TMIGD3: variants seen among roughly 807,000 people sequenced by gnomAD.
The protein encoded by TMIGD3 is transmembrane and immunoglobulin domain containing 3, also known as AD026 protein (AD026).
TMIGD3 carries 21 observed loss-of-function variants against 28.1 expected under a neutral mutation model. That is an observed-to-expected ratio of 0.75 (90% CI 0.53 to 1.08). The LOEUF is 1.08. Among genes scored for constraint, TMIGD3 ranks in the 50% least tolerant of loss-of-function variants. The probability of loss-of-function intolerance (pLI) is 0.00; values close to 1 mark genes in which losing one functional copy is unlikely to be tolerated. For synonymous variants in TMIGD3, 151 were observed against 162.1 expected, an observed-to-expected ratio of 0.93 and a Z score of 0.52; for missense variants, 416 against 435.6, an observed-to-expected ratio of 0.96 and a Z score of 0.40.
intron 1 of TMIGD3, among the ~76,000 whole-genome samples, chr1:111,543,392 G>A (rs1656916423): frequency 6.6e-6 from 1 of 152,018 alleles, no homozygotes; most frequent in African/African-American, 2.4e-5. Context: ...ATCCTGTCTG[G>A]TCTCACCAAA....
At chr1:111,530,299 T>G (rs1274074023) in intron 1 of TMIGD3, among the ~76,000 whole-genome samples, 1 of 152,220 alleles carries the variant, frequency 6.6e-6, no homozygotes, top group Non-Finnish European at 1.5e-5. Context: ...CTTTATGTTA[T>G]AAACCTTCCA....
At chr1:111,555,049 GA>G (rs1463906427) in intron 1 of TMIGD3, among the ~76,000 whole-genome samples, 2 of 151,898 alleles carry the variant, frequency 1.3e-5, no homozygotes, top group Admixed American at 1.3e-4. Context: ...GAAAACAGGA[GA>G]AAAGAAAAAG....
intron 1 of TMIGD3, among the ~76,000 whole-genome samples, chr1:111,538,834 T>C (rs1227353391): frequency 6.6e-6 from 1 of 152,222 alleles, no homozygotes; most frequent in African/African-American, 2.4e-5. Context: ...TGGAATGACC[T>C]GAACTTTATA....
At chr1:111,527,581 T>C (rs913984583) in intron 1 of TMIGD3, among the ~76,000 whole-genome samples, 1 of 152,248 alleles carries the variant, frequency 6.6e-6, no homozygotes, top group Non-Finnish European at 1.5e-5. Flanking sequence ...TGTCAGAAAC[T>C]GCCAAACTGT....
In TMIGD3 at chr1:111,503,593, C is replaced by G. The variant is rs2100985703; in HGVS notation, c.-239G>C. On this transcript the variant is annotated 5_prime_UTR_variant, in exon 1 of 6. Transcript: ENST00000369716. ...CCAGCCCCTTTATGCACCGCACATCCTCAAGTTTCCAGAATGCTGTAGGAC... is the reference window on the plus strand; with the variant it reads ...CCAGCCCCTTTATGCACCGCACATCGTCAAGTTTCCAGAATGCTGTAGGAC... 1 of 1,344,138 alleles carries G rather than the reference C, an allele frequency of 7.4e-7. No homozygotes were observed. Among genetic ancestry groups the G allele is most frequent in the South Asian group, 1.6e-5 (1 of 61,856 alleles). The allele number at this position is 1,344,138 out of a possible 1,614,324, so 83.3% of individuals were successfully genotyped here.
chr1:111,530,679 CT>C (rs573766914), intron 1 of TMIGD3, among the ~76,000 whole-genome samples: 8 of 152,258 alleles, frequency 5.3e-5, no homozygotes, highest in African/African-American at 1.4e-4. Flanking sequence ...ATGATGTCTT[CT>C]GCCATTGTTA....
chr1:111,546,231 T>C (rs1284358561), intron 1 of TMIGD3, among the ~76,000 whole-genome samples: 1 of 152,202 alleles, frequency 6.6e-6, no homozygotes, highest in African/African-American at 2.4e-5. Flanking sequence ...CCATCATTTT[T>C]TCCTCTCTTC....
At chr1:111,563,410 T>A (rs1284725920) in intron 1 of TMIGD3, among the ~76,000 whole-genome samples, 5 of 152,240 alleles carry the variant, frequency 3.3e-5, no homozygotes, top group Non-Finnish European at 7.3e-5. Context: ...CCTTGAAATG[T>A]CAGGATGTGG....
chr1:111,540,532 C>T (rs1473413324), intron 1 of TMIGD3, among the ~76,000 whole-genome samples: 1 of 152,222 alleles, frequency 6.6e-6, no homozygotes, highest in Non-Finnish European at 1.5e-5. Context: ...CAGGATCCAT[C>T]CATCTTTCTG....
upstream of TMIGD3, among the ~76,000 whole-genome samples, chr1:111,504,625 C>T (rs1224683444): frequency 6.6e-6 from 1 of 152,208 alleles, no homozygotes; most frequent in East Asian, 1.9e-4. Context: ...GGCTTGAGGG[C>T]TTTATCATTT....
chr1:111,503,373 C>A lies in TMIGD3; in HGVS notation c.-19G>T, dbSNP rs1655355447. On this transcript the variant is annotated 5_prime_UTR_variant, in exon 1 of 6. Coordinates refer to ENST00000369716, the MANE Select transcript of TMIGD3 (RefSeq NM_020683.7). ...TGGGCATCTTGCCTTCCCAGGGGAACCTCCACAGGGACAGGTGAGCCAGCA... is the reference window on the plus strand; with the variant it reads ...TGGGCATCTTGCCTTCCCAGGGGAAACTCCACAGGGACAGGTGAGCCAGCA... 6 of 1,594,878 alleles carry A rather than the reference C, an allele frequency of 3.8e-6. No homozygotes were observed. The highest frequency in any genetic ancestry group is 1.1e-5 in the South Asian group (1 of 88,312).
rs370201109 is a variant in TMIGD3 at position 111,524,614 on chromosome 1, GC to G, written c.108-33853del. Among the ~76,000 whole-genome samples the G allele has an allele frequency of 8.6e-4, 130 of 151,872 alleles. 1 individual carries two copies. Among genetic ancestry groups the G allele is most frequent in the Middle Eastern group, 3.4e-3 (1 of 294 alleles). On this transcript the variant is annotated intron_variant, in intron 1 of 5. Coordinates refer to the TMIGD3 transcript ENST00000369717. Reference sequence around the variant, plus strand: ...TATTTCAAAGTACTTCCTAATTTATGCCCCCTACCCCCATTTTTTTCTGGAG... The same window carrying G: ...TATTTCAAAGTACTTCCTAATTTATGCCCCTACCCCCATTTTTTTCTGGAG...
chr1:111,516,495 T>C (rs1393582338), intron 1 of TMIGD3, among the ~76,000 whole-genome samples: 2 of 152,180 alleles, frequency 1.3e-5, no homozygotes, highest in African/African-American at 4.8e-5. Flanking sequence ...CTCTCCTAAA[T>C]TTAAACAACC....
chr1:111,506,912 AT>A (rs1553201739), upstream of TMIGD3, among the ~76,000 whole-genome samples: 96 of 43,308 alleles, frequency 2.2e-3, 1 homozygote, highest in Non-Finnish European at 4.3e-3. Flanking sequence ...ATATATATAT[AT>A]TATATATATA....
intron 1 of TMIGD3, among the ~76,000 whole-genome samples, chr1:111,561,411 C>T (rs966203550): frequency 9.2e-5 from 14 of 152,300 alleles, no homozygotes; most frequent in African/African-American, 7.2e-5. Flanking sequence ...CGTGAGCCAC[C>T]GTGCCCAGCT....
intron 1 of TMIGD3, among the ~76,000 whole-genome samples, chr1:111,539,497 C>T (rs771781098): frequency 9.9e-5 from 15 of 152,114 alleles, no homozygotes; most frequent in South Asian, 4.1e-4. Context: ...GGGATTTCAC[C>T]GTGTTGGCCA....
chr1:111,559,772 T>G (rs1359603665), intron 1 of TMIGD3, among the ~76,000 whole-genome samples: 1 of 152,242 alleles, frequency 6.6e-6, no homozygotes, highest in Non-Finnish European at 1.5e-5. Flanking sequence ...TTCAATTGGC[T>G]AAAAGCCATA....
intron 1 of TMIGD3, among the ~76,000 whole-genome samples, chr1:111,533,769 G>A (rs989352717): frequency 3.9e-5 from 6 of 152,110 alleles, no homozygotes; most frequent in African/African-American, 1.2e-4. Flanking sequence ...TGCCCAGGCT[G>A]GTCTCGAACT....
intron 1 of TMIGD3, among the ~76,000 whole-genome samples, chr1:111,519,649 A>AT (rs199981866): frequency 0.013 from 2,008 of 149,318 alleles, 17 homozygotes; most frequent in Middle Eastern, 0.028. Flanking sequence ...TTTCTTTATC[A>AT]TTTTTTTTGT....
Sources: allele counts gnomAD v4.1 joint callset (sites outside exome capture counted in the v4.1 genomes callset), GRCh38; gene constraint gnomAD v4.1.1; transcripts MANE v1.5; gene names NCBI Gene and HGNC (gene_info 2026-07-23, HGNC 2026-07-21).